FGF13: variants seen among roughly 807,000 people sequenced by gnomAD.
The protein encoded by FGF13 is fibroblast growth factor 13, also known as fibroblast growth factor homologous factor 2.
FGF13 carries 2 observed loss-of-function variants against 19.5 expected under a neutral mutation model. The observed-to-expected ratio is 0.10, with a 90% CI of 0.04 to 0.32. FGF13 has a LOEUF of 0.32. Among genes scored for constraint, FGF13 ranks in the 10% least tolerant of loss-of-function variants. The pLI, the probability that FGF13 is intolerant of heterozygous loss-of-function variation, is 1.00. For synonymous variants in FGF13, 72 were observed against 76.9 expected, an observed-to-expected ratio of 0.94 and a Z score of 0.33; for missense variants, 113 against 192.7, an observed-to-expected ratio of 0.59 and a Z score of 2.45.
At chrX:138,995,941 CTAGT>C (rs2092040575) in intron 1 of FGF13, among the ~76,000 whole-genome samples, 1 of 111,727 alleles carries the variant, frequency 9.0e-6, no homozygotes, top group Admixed American at 9.5e-5. Flanking sequence ...TAAACCACCC[CTAGT>C]TAGAGGGGAA....
chrX:139,159,096 C>A (rs2084005642), intron 1 of FGF13, among the ~76,000 whole-genome samples: 1 of 112,012 alleles, frequency 8.9e-6, no homozygotes, highest in Non-Finnish European at 1.9e-5. Context: ...GGGTTACCCA[C>A]AAAGGGAAGC....
intron 3 of FGF13, among the ~76,000 whole-genome samples, chrX:138,825,523 A>G (rs781657286): frequency 2.7e-4 from 30 of 111,293 alleles, no homozygotes; most frequent in African/African-American, 9.8e-4. Context: ...CCAGGCCCCC[A>G]TGATAAGCAC....
At chrX:138,720,395 A>T (rs2090139669) in intron 1 of FGF13, among the ~76,000 whole-genome samples, 2 of 112,098 alleles carry the variant, frequency 1.8e-5, no homozygotes, top group African/African-American at 6.5e-5. Context: ...TTTACAGATT[A>T]AGAAGCTGAG....
intron 1 of FGF13, among the ~76,000 whole-genome samples, chrX:139,065,818 A>G (rs1373931644): frequency 1.8e-5 from 2 of 111,504 alleles, no homozygotes; most frequent in East Asian, 5.6e-4. Context: ...TGAACCAAGC[A>G]GACCTAACAG....
chrX:138,961,088 G>GGT (rs2091867462), intron 1 of FGF13, among the ~76,000 whole-genome samples: 6 of 110,842 alleles, frequency 5.4e-5, no homozygotes. Context: ...ATGAGAAGAG[G>GGT]TGCTCGGTTT....
At chrX:138,819,966 C>T (rs188671503) in intron 3 of FGF13, among the ~76,000 whole-genome samples, 8 of 111,104 alleles carry the variant, frequency 7.2e-5, no homozygotes, top group African/African-American at 2.6e-4. Flanking sequence ...AAGATCAAGC[C>T]AAGACTTGAG....
At chrX:139,048,898 C>A (rs1472815106) in intron 1 of FGF13, among the ~76,000 whole-genome samples, 1 of 110,939 alleles carries the variant, frequency 9.0e-6, no homozygotes, top group Non-Finnish European at 1.9e-5. Context: ...AAACTAATTT[C>A]TTTTCCATGG....
At chrX:138,933,630 G>A (rs2091716399) in intron 1 of FGF13, among the ~76,000 whole-genome samples, 1 of 112,297 alleles carries the variant, frequency 8.9e-6, no homozygotes, top group Non-Finnish European at 1.9e-5. Context: ...TTACCTTAAG[G>A]CCAAACAGTA....
chrX:138,975,162 C>T (rs2091934878), intron 1 of FGF13, among the ~76,000 whole-genome samples: 1 of 112,940 alleles, frequency 8.9e-6, no homozygotes, highest in African/African-American at 3.2e-5. Context: ...AATAATACTC[C>T]CCATGTGCAT....
intron 3 of FGF13, among the ~76,000 whole-genome samples, chrX:138,699,154 T>C (rs1347190158): frequency 9.0e-6 from 1 of 111,412 alleles, no homozygotes; most frequent in Non-Finnish European, 1.9e-5. Context: ...ATTCTTCTAC[T>C]TCCTTGTCTA....
chrX:139,129,162 C>T (rs1052210242), intron 1 of FGF13, among the ~76,000 whole-genome samples: 9 of 88,886 alleles, frequency 1.0e-4, no homozygotes, highest in African/African-American at 3.9e-4. Flanking sequence ...CATACACACA[C>T]ACACACACAC....
intron 1 of FGF13, among the ~76,000 whole-genome samples, chrX:139,054,485 A>T (rs1265489309): frequency 9.0e-6 from 1 of 111,538 alleles, no homozygotes; most frequent in Non-Finnish European, 1.9e-5. Flanking sequence ...CTTCTGGTAT[A>T]GTTTGAAGTC....
chrX:138,786,457 G>T (rs962994626), intron 3 of FGF13, among the ~76,000 whole-genome samples: 8 of 111,935 alleles, frequency 7.1e-5, no homozygotes, highest in African/African-American at 2.6e-4. Flanking sequence ...GGATGACTCA[G>T]TCTGCCACCT....
intron 1 of FGF13, among the ~76,000 whole-genome samples, chrX:139,045,445 G>A (rs2092284257): frequency 8.9e-6 from 1 of 112,424 alleles, no homozygotes; most frequent in Non-Finnish European, 1.9e-5. Flanking sequence ...TCTAGCAAGT[G>A]GCCTGCTAGA....
intron 1 of FGF13, among the ~76,000 whole-genome samples, chrX:139,181,920 T>C (rs1236886956): frequency 9.1e-6 from 1 of 110,078 alleles, no homozygotes; most frequent in Admixed American, 9.7e-5. Flanking sequence ...TTGCAGCAGA[T>C]ATTGCTGGTT....
intron 1 of FGF13, among the ~76,000 whole-genome samples, chrX:139,177,141 G>A (rs759051797): frequency 1.9e-5 from 2 of 107,768 alleles, no homozygotes; most frequent in Non-Finnish European, 3.8e-5. Context: ...TTCTTGTTGT[G>A]TTGATCCCTT....
chrX:138,647,908 T>G (rs2089324632), intron 3 of FGF13, among the ~76,000 whole-genome samples: 1 of 112,423 alleles, frequency 8.9e-6, no homozygotes, highest in South Asian at 3.6e-4. Context: ...GAATGCAAAA[T>G]GCATAAATTA....
chrX:138,754,522 C>G (rs1359290699), intron 3 of FGF13, among the ~76,000 whole-genome samples: 1 of 110,851 alleles, frequency 9.0e-6, no homozygotes, highest in Non-Finnish European at 1.9e-5. Context: ...TTCCAGAATA[C>G]TAGCCCCACT....
rs1426671567 is a variant in FGF13 at position 138,711,539 on chromosome X, T to G, written c.-536A>C. 2.6e-6 allele frequency: 2 copies of G among 755,032 alleles called. No homozygotes were observed. The highest frequency in any genetic ancestry group is 3.1e-4 in the East Asian group (2 of 6,543). The allele number at this position is 755,032 out of a possible 1,213,427, so 62.2% of individuals were successfully genotyped here. On this transcript the variant is annotated 5_prime_UTR_variant, in exon 1 of 5. Coordinates refer to ENST00000315930, the MANE Select transcript of FGF13 (RefSeq NM_004114.5). ...GCCCTCGCCCTGGCCCCTCCGAGTC[T>G]TCGACTAGTCCTTGCAACTTCTTGG...
Sources: allele counts gnomAD v4.1 joint callset (sites outside exome capture counted in the v4.1 genomes callset), GRCh38; gene constraint gnomAD v4.1.1; transcripts MANE v1.5; gene names NCBI Gene and HGNC (gene_info 2026-07-23, HGNC 2026-07-21).